SPAG16: variants seen among roughly 807,000 people sequenced by gnomAD.
SPAG16 encodes sperm associated antigen 16.
In SPAG16, 86 loss-of-function variants were observed where a neutral mutation model predicts 80.4. That is an observed-to-expected ratio of 1.07 (90% confidence interval 0.90 to 1.28). SPAG16 has a LOEUF of 1.28. SPAG16 is among the 50% of genes most tolerant of loss of function. The pLI, the probability that SPAG16 is intolerant of heterozygous loss-of-function variation, is 0.00. For synonymous variants in SPAG16, 294 were observed against 265.9 expected, an observed-to-expected ratio of 1.11 and a Z score of -1.03; for missense variants, 870 against 765.3, an observed-to-expected ratio of 1.14 and a Z score of -1.61.
intron 11 of SPAG16, among the ~76,000 whole-genome samples, chr2:213,911,446 A>G (rs1428021226): frequency 2.0e-5 from 3 of 152,198 alleles, no homozygotes; most frequent in Non-Finnish European, 4.4e-5. Context: ...TGCCCTGCCA[A>G]TAGTTACAAG....
Position 213,364,089 on chromosome 2 carries a change from A to G in SPAG16, c.776A>G (p.Gln259Arg), listed in dbSNP as rs766813751. ...DKVVGQISGLQETLKKLQRGH... is the reference protein window; with the variant it reads ...DKVVGQISGLRETLKKLQRGH... ...TTTACTTTTTAGATTTCTGGACTTC[A>G]AGAAACATTGAAGAAACTGCAAAGA... Residue 259 changes from glutamine to arginine, a missense_variant, in exon 8 of 16, where the codon CAA (glutamine) becomes CGA (arginine). By Grantham distance (43) the Gln-to-Arg change is conservative. Transcript: ENST00000331683. 2.0e-6 allele frequency: 3 copies of G among 1,515,554 alleles called. No homozygotes were observed. Among genetic ancestry groups the G allele is most frequent in the Non-Finnish European group, 2.6e-6 (3 of 1,133,134 alleles). The allele number at this position is 1,515,554 out of a possible 1,614,324, so 93.9% of individuals were successfully genotyped here. A position where few individuals can be genotyped will look rare whatever the true frequency, so the allele number is the denominator to read the frequency against.
intron 13 of SPAG16, among the ~76,000 whole-genome samples, chr2:214,031,493 C>T: frequency 3.0e-5 from 4 of 135,580 alleles, no homozygotes; most frequent in African/African-American, 1.1e-4. Context: ...ATACCTAATG[C>T]TAAATGACGA....
chr2:214,044,047 G>A (rs909839190), intron 13 of SPAG16, among the ~76,000 whole-genome samples: 7 of 151,780 alleles, frequency 4.6e-5, no homozygotes, highest in Non-Finnish European at 1.0e-4. Flanking sequence ...ATATATTATT[G>A]TCTTATTTTC....
At chr2:213,935,201 CAAAAA>C (rs397872306) in intron 12 of SPAG16, among the ~76,000 whole-genome samples, 7 of 102,722 alleles carry the variant, frequency 6.8e-5, no homozygotes, top group Non-Finnish European at 8.0e-5. Flanking sequence ...GACTCCATCT[CAAAAA>C]AAAAAAAAAA....
chr2:214,075,964 A>T (rs928562214), intron 13 of SPAG16, among the ~76,000 whole-genome samples: 1 of 152,276 alleles, frequency 6.6e-6, no homozygotes, highest in South Asian at 2.1e-4. Flanking sequence ...TCTTTCTGTC[A>T]TATCCCCTTA....
At chr2:213,656,528 T>C (rs959133647) in intron 10 of SPAG16, among the ~76,000 whole-genome samples, 1 of 152,210 alleles carries the variant, frequency 6.6e-6, no homozygotes, top group African/African-American at 2.4e-5. Context: ...CCTCAGGGGT[T>C]GTTGAAGAAG....
At chr2:213,373,535 A>G in intron 8 of SPAG16, among the ~76,000 whole-genome samples, 1 of 152,086 alleles carries the variant, frequency 6.6e-6, no homozygotes, top group East Asian at 1.9e-4. Flanking sequence ...TGGATTTTCC[A>G]CTTTTGTAAT....
intron 14 of SPAG16, among the ~76,000 whole-genome samples, chr2:214,113,396 A>G (rs540162733): frequency 6.6e-6 from 1 of 152,292 alleles, no homozygotes; most frequent in Non-Finnish European, 1.5e-5. Context: ...GTTCTCCTGG[A>G]TAATGTCCTG....
intron 10 of SPAG16, among the ~76,000 whole-genome samples, chr2:213,542,607 C>A (rs942160134): frequency 6.6e-6 from 1 of 151,718 alleles, no homozygotes; most frequent in Non-Finnish European, 1.5e-5. Flanking sequence ...AAAACAACAA[C>A]CAGAAAAATC....
At chr2:213,383,409 C>T (rs1219588212) in intron 9 of SPAG16, among the ~76,000 whole-genome samples, 1 of 152,046 alleles carries the variant, frequency 6.6e-6, no homozygotes, top group Non-Finnish European at 1.5e-5. Flanking sequence ...CAAAAATAAG[C>T]TAAGGTTCTT....
chr2:213,847,413 G>T (rs2074684259), intron 10 of SPAG16, among the ~76,000 whole-genome samples: 1 of 152,146 alleles, frequency 6.6e-6, no homozygotes. Context: ...AATCAGGGTG[G>T]AAGGCAAAGA....
intron 9 of SPAG16, among the ~76,000 whole-genome samples, chr2:213,457,662 C>T (rs1248390157): frequency 6.6e-6 from 1 of 152,062 alleles, no homozygotes; most frequent in Non-Finnish European, 1.5e-5. Context: ...GTCTGCATGG[C>T]ATATACTTTT....
chr2:213,807,944 T>C (rs910534790), intron 10 of SPAG16, among the ~76,000 whole-genome samples: 1 of 152,216 alleles, frequency 6.6e-6, no homozygotes, highest in Admixed American at 6.5e-5. Context: ...ACCTAGCTAG[T>C]GACCTATGAT....
At chr2:213,581,314 C>T (rs77104040) in intron 10 of SPAG16, among the ~76,000 whole-genome samples, 1,574 of 152,048 alleles carry the variant, frequency 0.01, 17 homozygotes, top group Non-Finnish European at 0.016. Flanking sequence ...AGCTCCTGGG[C>T]TCAAGTGATT....
At chr2:213,648,020 T>C (rs969691098) in intron 10 of SPAG16, among the ~76,000 whole-genome samples, 3 of 152,178 alleles carry the variant, frequency 2.0e-5, no homozygotes, top group Admixed American at 6.5e-5. Flanking sequence ...TAAATATTCT[T>C]TTAATTTTAA....
At chr2:214,252,142 T>C (rs1198307372) in intron 15 of SPAG16, among the ~76,000 whole-genome samples, 1 of 152,072 alleles carries the variant, frequency 6.6e-6, no homozygotes, top group African/African-American at 2.4e-5. Flanking sequence ...TGAAATTCTT[T>C]GAAATTTTTG....
At chr2:214,139,128 A>G (rs1449171167) in intron 14 of SPAG16, among the ~76,000 whole-genome samples, 2 of 152,108 alleles carry the variant, frequency 1.3e-5, no homozygotes, top group African/African-American at 4.8e-5. Flanking sequence ...GTATTGTCTT[A>G]GTGGTTTTCC....
At chr2:213,550,229 A>C (rs1638376840) in intron 10 of SPAG16, among the ~76,000 whole-genome samples, 1 of 150,466 alleles carries the variant, frequency 6.6e-6, no homozygotes, top group African/African-American at 2.5e-5. Flanking sequence ...TTTTTTTTTC[A>C]GAATTAATCA....
intron 10 of SPAG16, among the ~76,000 whole-genome samples, chr2:213,859,357 G>A (rs1001574349): frequency 4.6e-5 from 7 of 151,902 alleles, no homozygotes; most frequent in African/African-American, 1.5e-4. Context: ...TGTGGGAGAG[G>A]CTCTCCTCCC....
Sources: allele counts gnomAD v4.1 joint callset (sites outside exome capture counted in the v4.1 genomes callset), GRCh38; gene constraint gnomAD v4.1.1; transcripts MANE v1.5; gene names NCBI Gene and HGNC (gene_info 2026-07-23, HGNC 2026-07-21).